VAV3: variants seen among roughly 807,000 people sequenced by gnomAD.
The protein encoded by VAV3 is guanine nucleotide exchange factor VAV3.
In VAV3, 94 loss-of-function variants were observed where a neutral mutation model predicts 131.2. That is an observed-to-expected ratio of 0.72 (90% confidence interval 0.61 to 0.85). The LOEUF is 0.85. VAV3 is among the 40% of genes least tolerant of loss of function. The probability of loss-of-function intolerance (pLI) is 0.00; values close to 1 mark genes in which losing one functional copy is unlikely to be tolerated. For missense variants in VAV3, 939 were observed against 1,002.7 expected (o/e 0.94, Z 0.86); for synonymous variants, 349 against 342.0 (o/e 1.02, Z -0.22).
At chr1:107,752,382 A>G (rs1663790991) in intron 12 of VAV3, among the ~76,000 whole-genome samples, 1 of 152,250 alleles carries the variant, frequency 6.6e-6, no homozygotes, top group Non-Finnish European at 1.5e-5. Flanking sequence ...TTAAAACTAT[A>G]AAACTTTTAC....
Position 107,924,944 on chromosome 1 carries a change from G to A in VAV3, c.204+39722C>T, listed in dbSNP as rs183737446. Reference sequence around the variant, plus strand: ...GAAATGTGTCCCAAAAGATATGTACGCATTCAGCAAAAGATATGTACAGGA... The same window carrying A: ...GAAATGTGTCCCAAAAGATATGTACACATTCAGCAAAAGATATGTACAGGA... On this transcript the variant is annotated intron_variant, in intron 1 of 26. Transcript: ENST00000370056. Among the ~76,000 whole-genome samples, 195 of 152,222 alleles carry A rather than the reference G, an allele frequency of 1.3e-3. 1 individual carries two copies. Among genetic ancestry groups the A allele is most frequent in the African/African-American group, 4.4e-3 (181 of 41,538 alleles).
intron 3 of VAV3, chr1:107,777,710 A>G: frequency 5.6e-6 from 1 of 179,356 alleles, no homozygotes; most frequent in South Asian, 1.5e-4. Context: ...GTGGGATCTG[A>G]TAACAAATAA....
At chr1:107,732,388 C>T (rs943290863) in intron 15 of VAV3, among the ~76,000 whole-genome samples, 21 of 148,996 alleles carry the variant, frequency 1.4e-4, no homozygotes, top group Non-Finnish European at 2.1e-4. Flanking sequence ...CCACAGAGGG[C>T]GAGCCAAAGC....
At chr1:107,600,912 A>G (rs911172347) in intron 24 of VAV3, among the ~76,000 whole-genome samples, 6 of 152,186 alleles carry the variant, frequency 3.9e-5, no homozygotes, top group Non-Finnish European at 8.8e-5. Flanking sequence ...GCTGGCAGTT[A>G]TCTTTGGCTC....
intron 2 of VAV3, among the ~76,000 whole-genome samples, chr1:107,853,105 T>C (rs1257419009): frequency 6.6e-6 from 1 of 152,190 alleles, no homozygotes; most frequent in Non-Finnish European, 1.5e-5. Context: ...CACATGGATG[T>C]GGGTGAAAAC....
intron 19 of VAV3, 137 bp from the exon 20 acceptor site, chr1:107,642,892 A>G: frequency 8.3e-7 from 1 of 1,198,434 alleles, no homozygotes; most frequent in Non-Finnish European, 1.1e-6. Flanking sequence ...TTAAGTAACT[A>G]TAATAGAATG....
intron 1 of VAV3, among the ~76,000 whole-genome samples, chr1:107,921,567 T>C (rs1460857270): frequency 6.6e-6 from 1 of 152,212 alleles, no homozygotes; most frequent in Non-Finnish European, 1.5e-5. Flanking sequence ...AAGTTTATTC[T>C]ACTCAAACAT....
chr1:107,717,575 T>C (rs1232387671), intron 15 of VAV3, among the ~76,000 whole-genome samples: 2 of 152,262 alleles, frequency 1.3e-5, no homozygotes, highest in African/African-American at 4.8e-5. Flanking sequence ...TCCTGAGTTC[T>C]AATTTGATTG....
At chr1:107,870,242 C>T (rs1183643035) in intron 2 of VAV3, among the ~76,000 whole-genome samples, 2 of 152,158 alleles carry the variant, frequency 1.3e-5, no homozygotes, top group East Asian at 3.9e-4. Flanking sequence ...TACTAGTTTA[C>T]ATTCCCACCA....
rs184411355 is a variant in VAV3, at chr1:107,839,916, A to G, written c.321+34985T>C. 1.9e-3 allele frequency among the ~76,000 whole-genome samples: 286 copies of G among 152,292 alleles called. 2 individuals are homozygous for G. Among genetic ancestry groups the G allele is most frequent in the African/African-American group, 6.6e-3 (276 of 41,578 alleles). ...GAACAACACTATGCCCACAAATTTG[A>G]TAACTTAGGTGAAACAGGCCAATTC... On this transcript the variant is annotated intron_variant, in intron 2 of 26. Coordinates refer to ENST00000370056, the MANE Select transcript of VAV3 (RefSeq NM_006113.5).
chr1:107,955,946 T>C (rs1261273451), intron 1 of VAV3, among the ~76,000 whole-genome samples: 3 of 152,198 alleles, frequency 2.0e-5, no homozygotes, highest in Non-Finnish European at 4.4e-5. Flanking sequence ...CCAATGTTCA[T>C]CCACATGTTT....
At chr1:107,761,292 C>G (rs1430657000) in intron 9 of VAV3, among the ~76,000 whole-genome samples, 1 of 149,772 alleles carries the variant, frequency 6.7e-6, no homozygotes, top group Non-Finnish European at 1.5e-5. Context: ...ACTCAGAAGG[C>G]TGAGGCAGGA....
intron 15 of VAV3, among the ~76,000 whole-genome samples, chr1:107,726,968 T>C (rs1661882293): frequency 6.6e-6 from 1 of 152,052 alleles, no homozygotes; most frequent in South Asian, 2.1e-4. Flanking sequence ...TGAGTAATAA[T>C]CATCTAACAT....
intron 2 of VAV3, among the ~76,000 whole-genome samples, chr1:107,867,805 A>G (rs1670069578): frequency 6.6e-6 from 1 of 152,078 alleles, no homozygotes; most frequent in African/African-American, 2.4e-5. Flanking sequence ...GAGGAAAAAT[A>G]CTCAGGATCC....
chr1:107,791,913 T>C (rs936705402), intron 2 of VAV3, among the ~76,000 whole-genome samples: 1 of 152,218 alleles, frequency 6.6e-6, no homozygotes, highest in African/African-American at 2.4e-5. Context: ...GTCAGAGAAG[T>C]AAAGTGACTT....
intron 17 of VAV3, 88 bp downstream of exon 17, chr1:107,704,462 C>G (rs1660324217): frequency 1.1e-6 from 1 of 943,270 alleles, no homozygotes; most frequent in South Asian, 1.5e-5. Flanking sequence ...ACAATAAACA[C>G]ATATTCAGAG....
At chr1:107,681,654 CTTTT>C (rs66909735) in intron 19 of VAV3, among the ~76,000 whole-genome samples, 30 of 127,372 alleles carry the variant, frequency 2.4e-4, no homozygotes, top group African/African-American at 2.4e-4. Context: ...TAATGGAAAA[CTTTT>C]TTTTTTTTTT....
At chr1:107,784,862 T>C (rs1234083463) in intron 2 of VAV3, among the ~76,000 whole-genome samples, 3 of 152,252 alleles carry the variant, frequency 2.0e-5, no homozygotes, top group Non-Finnish European at 4.4e-5. Context: ...AAGTGGAGAA[T>C]GAATAGTTGA....
chr1:107,953,701 T>G (rs1051184673), intron 1 of VAV3, among the ~76,000 whole-genome samples: 1 of 152,142 alleles, frequency 6.6e-6, no homozygotes, highest in Non-Finnish European at 1.5e-5. Context: ...TGACCTTAAG[T>G]GTTCCCATTA....
Sources: allele counts gnomAD v4.1 joint callset (sites outside exome capture counted in the v4.1 genomes callset), GRCh38; gene constraint gnomAD v4.1.1; transcripts MANE v1.5; gene names NCBI Gene and HGNC (gene_info 2026-07-23, HGNC 2026-07-21).